KCNAB1: variants seen among roughly 807,000 people sequenced by gnomAD.
KCNAB1 encodes voltage-gated potassium channel subunit beta-1.
KCNAB1 carries 35 observed loss-of-function variants against 64.6 expected under a neutral mutation model. The ratio of observed to expected loss-of-function variants is 0.54; its 90% confidence interval spans 0.41 to 0.72. The LOEUF (loss-of-function observed/expected upper bound fraction) is 0.72, where lower values mean the gene tolerates loss of function less well. Among genes scored for constraint, KCNAB1 ranks in the 30% least tolerant of loss-of-function variants. The probability of loss-of-function intolerance (pLI) is 0.00; values close to 1 mark genes in which losing one functional copy is unlikely to be tolerated. For missense variants in KCNAB1, 401 were observed against 512.9 expected, an observed-to-expected ratio of 0.78 and a Z score of 2.11; for synonymous variants, 177 against 183.8, an observed-to-expected ratio of 0.96 and a Z score of 0.30.
intron 12 of KCNAB1, among the ~76,000 whole-genome samples, chr3:156,528,666 C>A (rs78113749): frequency 0.074 from 11,182 of 152,088 alleles, 467 homozygotes; most frequent in Middle Eastern, 0.14. Context: ...AAAGGACATT[C>A]CAGGCAAAAG....
At chr3:156,492,653 G>A (rs1456871217) in intron 8 of KCNAB1, among the ~76,000 whole-genome samples, 1 of 152,050 alleles carries the variant, frequency 6.6e-6, no homozygotes, top group Non-Finnish European at 1.5e-5. Context: ...CCAAAGCTGT[G>A]AGAAATAAAA....
At chr3:156,378,253 C>T (rs776697353) in intron 1 of KCNAB1, among the ~76,000 whole-genome samples, 9 of 152,014 alleles carry the variant, frequency 5.9e-5, no homozygotes, top group Admixed American at 1.3e-4. Flanking sequence ...GGTCTGCAAA[C>T]TAGGACACCT....
intron 1 of KCNAB1, among the ~76,000 whole-genome samples, chr3:156,163,763 A>C (rs1166121144): frequency 6.6e-6 from 1 of 152,224 alleles, no homozygotes; most frequent in Non-Finnish European, 1.5e-5. Flanking sequence ...GCTGGGTGTA[A>C]ACACAGATGA....
At chr3:156,407,768 A>G (rs552474692) in intron 1 of KCNAB1, among the ~76,000 whole-genome samples, 8 of 152,308 alleles carry the variant, frequency 5.3e-5, no homozygotes, top group South Asian at 4.1e-4. Flanking sequence ...TGTGAACATG[A>G]TCTCTTCCAG....
intron 8 of KCNAB1, among the ~76,000 whole-genome samples, chr3:156,484,450 G>A (rs1186842931): frequency 3.3e-5 from 5 of 152,020 alleles, no homozygotes; most frequent in African/African-American, 1.2e-4. Context: ...TAGTATTCTG[G>A]GGCTGTGGGT....
intron 1 of KCNAB1, among the ~76,000 whole-genome samples, chr3:156,346,420 G>T (rs992732105): frequency 6.6e-6 from 1 of 152,116 alleles, no homozygotes; most frequent in Non-Finnish European, 1.5e-5. Flanking sequence ...TAAAATGAAA[G>T]TCCACAAAGA....
At chr3:156,469,605 T>C (rs1713727903) in intron 7 of KCNAB1, among the ~76,000 whole-genome samples, 1 of 152,184 alleles carries the variant, frequency 6.6e-6, no homozygotes, top group African/African-American at 2.4e-5. Context: ...AACTAATCTC[T>C]GAGGATGGAT....
intron 5 of KCNAB1, 146 bp from the exon 6 acceptor site, chr3:156,463,556 A>G (rs1025507013): frequency 8.6e-5 from 56 of 652,108 alleles, no homozygotes; most frequent in Non-Finnish European, 1.4e-4. Flanking sequence ...TTTCAGTGAG[A>G]TGGATTAACA....
chr3:156,123,345 T>A, intron 1 of KCNAB1, among the ~76,000 whole-genome samples: 1 of 152,248 alleles, frequency 6.6e-6, no homozygotes. Context: ...TTGTTTCCTT[T>A]CTTGGAAGAT....
rs35239168 is a variant in KCNAB1 at position 156,481,459 on chromosome 3, GT to G, written c.658+6643del. On this transcript the variant is annotated intron_variant, in intron 8 of 13. Coordinates refer to ENST00000490337, the MANE Select transcript of KCNAB1 (RefSeq NM_172160.3). ...AAAAGTGTTTCAATTTTAAAAAGCA[GT>G]TTTGTTTCCATTTTAACTGCAAATT... Among the ~76,000 whole-genome samples, 1,224 of 149,686 alleles carry G rather than the reference GT, an allele frequency of 8.2e-3. 70 individuals carry two copies. The East Asian group carries it at 0.14, about 18-fold the overall frequency.
intron 1 of KCNAB1, among the ~76,000 whole-genome samples, chr3:156,198,375 A>G (rs113913240): frequency 1.3e-5 from 2 of 152,194 alleles, no homozygotes; most frequent in African/African-American, 4.8e-5. Flanking sequence ...TCTGTCCAAT[A>G]TTGACAGTGG....
At chr3:156,297,847 C>T (rs1224749795) in intron 1 of KCNAB1, among the ~76,000 whole-genome samples, 1 of 151,616 alleles carries the variant, frequency 6.6e-6, no homozygotes, top group Non-Finnish European at 1.5e-5. Context: ...AATAGGTGGG[C>T]TGAAGAGGAG....
At chr3:156,425,525 T>G (rs541667613) in intron 2 of KCNAB1, among the ~76,000 whole-genome samples, 1 of 152,258 alleles carries the variant, frequency 6.6e-6, no homozygotes, top group East Asian at 1.9e-4. Flanking sequence ...CCCATTATTG[T>G]CAAGACTTGA....
chr3:156,250,304 G>C (rs536862382), intron 1 of KCNAB1, among the ~76,000 whole-genome samples: 12 of 152,286 alleles, frequency 7.9e-5, no homozygotes, highest in African/African-American at 2.6e-4. Context: ...CTTATAAGGG[G>C]AGGAGTCATG....
chr3:156,421,558 G>A, intron 1 of KCNAB1, 58 bp from the exon 2 acceptor site: 1 of 1,532,544 alleles, frequency 6.5e-7, no homozygotes, highest in East Asian at 2.2e-5. Context: ...ATCCACTTAT[G>A]CATGTACAGT....
intron 8 of KCNAB1, among the ~76,000 whole-genome samples, chr3:156,476,508 C>CAT (rs1219678341): frequency 3.2e-3 from 417 of 130,838 alleles, no homozygotes; most frequent in African/African-American, 0.012. Context: ...AGTATTCCAT[C>CAT]ATATATATAT....
At chr3:156,182,174 C>G (rs1192050835) in intron 1 of KCNAB1, among the ~76,000 whole-genome samples, 1 of 152,168 alleles carries the variant, frequency 6.6e-6, no homozygotes, top group African/African-American at 2.4e-5. Context: ...CCTCACTCAT[C>G]ATAAGTCTAA....
rs1715524908 is a variant in KCNAB1 at position 156,219,049 on chromosome 3, T to C, written c.275+98163T>C. 4.0e-5 allele frequency among the ~76,000 whole-genome samples: 6 copies of C among 151,740 alleles called. 1 individual carries two copies. The South Asian group carries it at 1.3e-3, about 32-fold the overall frequency. On this transcript the variant is annotated intron_variant, in intron 1 of 13. Coordinates refer to ENST00000490337, the MANE Select transcript of KCNAB1 (RefSeq NM_172160.3). ...TTCTGGTAATATGACAAAACAAGGA[T>C]ATTTACACCCTGAAGAGATCATACC...
At chr3:156,203,548 A>C (rs936455496) in intron 1 of KCNAB1, among the ~76,000 whole-genome samples, 4 of 152,228 alleles carry the variant, frequency 2.6e-5, no homozygotes, top group African/African-American at 9.6e-5. Context: ...TTAAAATAAT[A>C]CTATAAAGAA....
Sources: gnomAD v4.1 joint callset for allele counts (sites outside exome capture counted in the v4.1 genomes callset) on GRCh38, gnomAD v4.1.1 for gene constraint, MANE v1.5 for transcripts, NCBI Gene and HGNC (gene_info 2026-07-23, HGNC 2026-07-21) for gene names.